WNK3: variants seen among roughly 807,000 people sequenced by gnomAD.
WNK3 encodes the protein serine/threonine-protein kinase WNK3.
In WNK3, 18 loss-of-function variants were observed where a neutral mutation model predicts 116.7. The observed-to-expected ratio is 0.15, with a 90% CI of 0.11 to 0.23. The LOEUF (loss-of-function observed/expected upper bound fraction) is 0.23. Ranked by LOEUF, WNK3 falls within the 10% of genes least tolerant of loss-of-function variation. The pLI is 1.00. For synonymous variants in WNK3, 404 were observed against 469.4 expected, an observed-to-expected ratio of 0.86 and a Z score of 1.80; for missense variants, 993 against 1,323.8, an observed-to-expected ratio of 0.75 and a Z score of 3.88.
intron 12 of WNK3, 152 bp from the exon 13 acceptor site, chrX:54,254,227 C>G: frequency 2.5e-6 from 1 of 394,947 alleles, no homozygotes; most frequent in Non-Finnish European, 4.5e-6. Flanking sequence ...ACCATCTAAA[C>G]AGCCATTCTA....
intron 2 of WNK3, among the ~76,000 whole-genome samples, chrX:54,317,454 C>T (rs782463560): frequency 2.7e-5 from 3 of 109,749 alleles, no homozygotes; most frequent in Non-Finnish European, 5.7e-5. Context: ...CCACCGCACC[C>T]GGCCAACATG....
chrX:54,323,503 T>C (rs2069062321), intron 2 of WNK3, among the ~76,000 whole-genome samples: 1 of 110,808 alleles, frequency 9.0e-6, no homozygotes, highest in Non-Finnish European at 1.9e-5. Context: ...CTACCAAAAA[T>C]AAAAATACAA....
At chrX:54,318,019 A>G (rs1332846825) in intron 2 of WNK3, among the ~76,000 whole-genome samples, 1 of 110,526 alleles carries the variant, frequency 9.0e-6, no homozygotes, top group African/African-American at 3.3e-5. Context: ...AGGGATGTAC[A>G]ATGATGTAAA....
At chrX:54,304,242 C>T (rs1288749097) in intron 5 of WNK3, among the ~76,000 whole-genome samples, 1 of 110,716 alleles carries the variant, frequency 9.0e-6, no homozygotes, top group Non-Finnish European at 1.9e-5. Flanking sequence ...AAAAAAAAAT[C>T]GTGTAGCTCA....
exon 24 of WNK3, chrX:54,198,191 A>G (rs1177167597): frequency 2.9e-5 from 17 of 577,394 alleles, no homozygotes; most frequent in Non-Finnish European, 2.8e-5. Context: ...CACTGGAACA[A>G]AAAATATATA....
chrX:54,316,328 C>G (rs2068955625), intron 2 of WNK3, among the ~76,000 whole-genome samples: 1 of 109,801 alleles, frequency 9.1e-6, no homozygotes. Flanking sequence ...CACCTGAGGT[C>G]AGGAGATCAA....
At chrX:54,352,541 G>A (rs979664897) in intron 1 of WNK3, among the ~76,000 whole-genome samples, 13 of 110,979 alleles carry the variant, frequency 1.2e-4, no homozygotes, top group African/African-American at 4.3e-4. Flanking sequence ...GGTGTGGGGC[G>A]TGGTGACACA....
chrX:54,209,236 A>C (rs2067586554), intron 22 of WNK3, among the ~76,000 whole-genome samples: 1 of 109,567 alleles, frequency 9.1e-6, no homozygotes, highest in South Asian at 4.0e-4. Flanking sequence ...TTAACTACAC[A>C]CATACATTGT....
At chrX:54,215,244 C>G (rs1442932535) in intron 22 of WNK3, among the ~76,000 whole-genome samples, 1 of 111,238 alleles carries the variant, frequency 9.0e-6, no homozygotes, top group Non-Finnish European at 1.9e-5. Flanking sequence ...ATGCCCAGCC[C>G]AGGCTGGACT....
chrX:54,238,238 A>T, intron 19 of WNK3, 104 bp downstream of exon 19: 1 of 1,016,668 alleles, frequency 9.8e-7, no homozygotes, highest in Non-Finnish European at 1.3e-6. Flanking sequence ...ATCTCAAAAA[A>T]AAATAAAAAC....
Position 54,208,531 on chromosome X carries a change from T to C in WNK3, c.4871-6338A>G, listed in dbSNP as rs1459883873. On this transcript the variant is annotated intron_variant, in intron 22 of 23. Coordinates refer to ENST00000354646, the Ensembl canonical transcript of WNK3. ...CTGTGATTACAGGCGTGTGCCACCA[T>C]GCCCAACTAATTTTTGTATGTTTTG... Among the ~76,000 whole-genome samples, 5 of 111,323 alleles carry C rather than the reference T, an allele frequency of 4.5e-5. No homozygotes were observed. The East Asian group carries it at 1.1e-3, about 25-fold the overall frequency.
At chrX:54,248,952 G>A (rs782670429) in exon 17 of WNK3, 5 of 1,211,460 alleles carry the variant, frequency 4.1e-6, no homozygotes, top group Admixed American at 4.3e-5. Context: ...TCTGACTCTC[G>A]GGATAGATGC....
At chrX:54,265,355 C>T (rs1258286508) in intron 10 of WNK3, among the ~76,000 whole-genome samples, 3 of 111,268 alleles carry the variant, frequency 2.7e-5, no homozygotes, top group African/African-American at 6.5e-5. Flanking sequence ...GGCGTGGTGG[C>T]ATGTGCCTGT....
At chrX:54,276,067 C>T (rs1557160702) in intron 10 of WNK3, among the ~76,000 whole-genome samples, 1 of 111,156 alleles carries the variant, frequency 9.0e-6, no homozygotes, top group Non-Finnish European at 1.9e-5. Context: ...AGGCTGGGCG[C>T]GGTGGCTCAC....
chrX:54,228,512 G>A (rs2067866658), intron 22 of WNK3, among the ~76,000 whole-genome samples: 1 of 111,226 alleles, frequency 9.0e-6, no homozygotes, highest in African/African-American at 3.3e-5. Flanking sequence ...GGGTAGAGGA[G>A]CTACAATGAG....
At chrX:54,284,816 C>T (rs1557163552) in intron 10 of WNK3, among the ~76,000 whole-genome samples, 2 of 109,934 alleles carry the variant, frequency 1.8e-5, no homozygotes, top group African/African-American at 6.6e-5. Flanking sequence ...ACTAAAAATA[C>T]AAAATTAGCC....
intron 22 of WNK3, among the ~76,000 whole-genome samples, chrX:54,212,294 C>T (rs2067625032): frequency 9.0e-6 from 1 of 111,462 alleles, no homozygotes; most frequent in African/African-American, 3.3e-5. Flanking sequence ...AAAGAATAAA[C>T]TTCAATGTAT....
chrX:54,283,009 C>T lies in WNK3; in HGVS notation c.2037+9879G>A, dbSNP rs3007020. ...TTTAAAAAAATTATGCCACAAAGGA[C>T]ACCATCAAGAAGGTGAAAAGACAAC... is the stretch of plus-strand genomic sequence containing the variant. On this transcript the variant is annotated intron_variant, in intron 10 of 23. Coordinates refer to ENST00000354646, the Ensembl canonical transcript of WNK3. Among the ~76,000 whole-genome samples, 235 of 112,063 alleles carry T rather than the reference C, an allele frequency of 2.1e-3. 1 individual carries two copies. The highest frequency in any genetic ancestry group is 7.1e-3 in the African/African-American group (220 of 30,917).
At chrX:54,263,896 AT>A (rs1249487417) in intron 10 of WNK3, among the ~76,000 whole-genome samples, 31 of 106,243 alleles carry the variant, frequency 2.9e-4, no homozygotes, top group Non-Finnish European at 4.5e-4. Context: ...GATTCTAAAC[AT>A]TTTTTTTTTG....
Sources: allele counts gnomAD v4.1 joint callset (sites outside exome capture counted in the v4.1 genomes callset), GRCh38; gene constraint gnomAD v4.1.1; transcripts MANE v1.5; gene names NCBI Gene and HGNC (gene_info 2026-07-23, HGNC 2026-07-21).